Variants in KCNK2 observed in about 807,000 individuals in gnomAD.
KCNK2 encodes potassium two pore domain channel subfamily K member 2, also known as potassium channel subfamily K member 2.
In KCNK2, 21 loss-of-function variants were observed where a neutral mutation model predicts 40.5. That is an observed-to-expected ratio of 0.52 (90% CI 0.37 to 0.75). KCNK2 has a LOEUF of 0.75. Among genes scored for constraint, KCNK2 ranks in the 30% least tolerant of loss-of-function variants. The pLI, the probability that KCNK2 is intolerant of heterozygous loss-of-function variation, is 0.00. For missense variants in KCNK2, 399 were observed against 531.6 expected (o/e 0.75, Z 2.45); for synonymous variants, 191 against 202.2 (o/e 0.94, Z 0.47).
At chr1:215,096,370 C>A (rs1659977539) in intron 2 of KCNK2, among the ~76,000 whole-genome samples, 2 of 151,712 alleles carry the variant, frequency 1.3e-5, no homozygotes, top group East Asian at 3.9e-4. Flanking sequence ...TTTATGAATA[C>A]ACAATAGTTG....
chr1:215,109,124 C>T (rs1272753365), intron 2 of KCNK2, among the ~76,000 whole-genome samples: 1 of 132,954 alleles, frequency 7.5e-6, no homozygotes, highest in Non-Finnish European at 1.5e-5. Context: ...AATTTTGTTG[C>T]ATGCATAGAA....
chr1:215,115,764 A>G (rs547118731), intron 2 of KCNK2, among the ~76,000 whole-genome samples: 2 of 148,396 alleles, frequency 1.3e-5, no homozygotes, highest in African/African-American at 5.0e-5. Flanking sequence ...TCTTCCACTC[A>G]TGCTGAGATG....
intron 1 of KCNK2, among the ~76,000 whole-genome samples, chr1:215,015,504 CTT>C (rs1470350575): frequency 6.6e-6 from 1 of 152,080 alleles, no homozygotes; most frequent in Non-Finnish European, 1.5e-5. Flanking sequence ...GCGGGTAACT[CTT>C]TATCCATTCA....
chr1:215,192,346 TG>T (rs1208604471), intron 5 of KCNK2, among the ~76,000 whole-genome samples: 1 of 152,176 alleles, frequency 6.6e-6, no homozygotes, highest in African/African-American at 2.4e-5. Flanking sequence ...TTTTTTCCCC[TG>T]GGCTTAGACT....
chr1:215,121,326 C>T (rs1477727761), intron 2 of KCNK2, among the ~76,000 whole-genome samples: 2 of 152,100 alleles, frequency 1.3e-5, no homozygotes, highest in Non-Finnish European at 2.9e-5. Context: ...TTTGCTCTGT[C>T]ACCCAGGCTG....
At position 215,236,976 on chromosome 1, in the gene KCNK2, T is replaced by C. The variant is rs1395346648; in HGVS notation, c.*1831T>C. On this transcript the variant is annotated 3_prime_UTR_variant, in exon 7 of 7. Coordinates refer to ENST00000444842, the MANE Select transcript of KCNK2 (RefSeq NM_001017425.3). ...AAAATTTTAGAAAGTCAGGCTCTTTTAGAAAGAAAGCTACACCCATTTCCT... is the reference window on the plus strand; with the variant it reads ...AAAATTTTAGAAAGTCAGGCTCTTTCAGAAAGAAAGCTACACCCATTTCCT... 5.2e-5 allele frequency: 8 copies of C among 152,610 alleles called. No individual in the cohort carries two copies. The allele number at this position is 152,610 out of a possible 1,614,324, so 9.5% of individuals were successfully genotyped here. A position where few individuals can be genotyped will look rare whatever the true frequency, so the allele number is the denominator to read the frequency against.
intron 1 of KCNK2, among the ~76,000 whole-genome samples, chr1:215,007,025 A>G (rs374237437): frequency 0.11 from 3,557 of 31,968 alleles, 232 homozygotes; most frequent in African/African-American, 0.17. Flanking sequence ...ATATATATAT[A>G]TATATATATA....
At chr1:215,150,328 T>C (rs918387554) in intron 3 of KCNK2, among the ~76,000 whole-genome samples, 2 of 152,236 alleles carry the variant, frequency 1.3e-5, no homozygotes, top group African/African-American at 4.8e-5. Context: ...CTATTTGTTA[T>C]CTTATGTGTA....
chr1:215,067,034 G>T (rs369308148), intron 1 of KCNK2, among the ~76,000 whole-genome samples: 2 of 152,070 alleles, frequency 1.3e-5, no homozygotes, highest in African/African-American at 4.8e-5. Context: ...CAGGAGAGTG[G>T]TTATTTTGTG....
chr1:215,135,748 T>G (rs1661877479), intron 3 of KCNK2, among the ~76,000 whole-genome samples: 1 of 152,128 alleles, frequency 6.6e-6, no homozygotes, highest in Non-Finnish European at 1.5e-5. Flanking sequence ...TATTTATTTA[T>G]TTTTGAGATG....
chr1:215,098,725 C>A (rs1660082816), intron 2 of KCNK2, among the ~76,000 whole-genome samples: 1 of 151,890 alleles, frequency 6.6e-6, no homozygotes, highest in African/African-American at 2.4e-5. Flanking sequence ...TACAAGGAAT[C>A]AATTATCTTT....
intron 3 of KCNK2, among the ~76,000 whole-genome samples, chr1:215,160,808 C>G (rs1261742638): frequency 1.3e-5 from 2 of 152,068 alleles, no homozygotes; most frequent in Non-Finnish European, 2.9e-5. Context: ...GTTTTATCTC[C>G]CCCATAATTT....
chr1:215,166,895 T>A (rs1663470636), intron 3 of KCNK2, among the ~76,000 whole-genome samples: 1 of 152,106 alleles, frequency 6.6e-6, no homozygotes, highest in South Asian at 2.1e-4. Context: ...AGGAATTGAG[T>A]TACTACGTGG....
At chr1:215,030,208 T>A (rs1216712356) in intron 1 of KCNK2, among the ~76,000 whole-genome samples, 2 of 152,236 alleles carry the variant, frequency 1.3e-5, no homozygotes, top group Non-Finnish European at 2.9e-5. Context: ...TCTTCTCTGA[T>A]GAGGTGTCTG....
chr1:215,093,442 CATATAATAT>C (rs1290505326), intron 2 of KCNK2, among the ~76,000 whole-genome samples: 2 of 120,792 alleles, frequency 1.7e-5, no homozygotes, highest in Non-Finnish European at 3.2e-5. Context: ...ATATAATATA[CATATAATAT>C]ATATAATATA....
chr1:215,174,699 T>C (rs552666782), intron 5 of KCNK2, among the ~76,000 whole-genome samples: 31 of 152,268 alleles, frequency 2.0e-4, no homozygotes, highest in Admixed American at 1.6e-3. Context: ...CCCTTGTAAG[T>C]TGGATTCCTG....
intron 6 of KCNK2, among the ~76,000 whole-genome samples, chr1:215,200,559 A>G (rs994809951): frequency 7.8e-5 from 1 of 12,836 alleles, no homozygotes; most frequent in South Asian, 0.012. Flanking sequence ...GAGCCATTGA[A>G]GGATTTTAAG....
At chr1:215,198,113 A>G (rs1409952421) in intron 6 of KCNK2, among the ~76,000 whole-genome samples, 1 of 152,226 alleles carries the variant, frequency 6.6e-6, no homozygotes, top group Non-Finnish European at 1.5e-5. Context: ...TTGTGTTTTC[A>G]TGCTAGTTAA....
At chr1:215,037,002 C>CTTTTTTTTTTTTTTT (rs3033912) in intron 1 of KCNK2, among the ~76,000 whole-genome samples, 1 of 125,852 alleles carries the variant, frequency 7.9e-6, no homozygotes, top group African/African-American at 3.0e-5. Context: ...CCTTTTATTC[C>CTTTTTTTTTTTTTTT]TTTTTTTTTT....
Sources: gnomAD v4.1 joint callset for allele counts (sites outside exome capture counted in the v4.1 genomes callset) on GRCh38, gnomAD v4.1.1 for gene constraint, MANE v1.5 for transcripts, NCBI Gene and HGNC (gene_info 2026-07-23, HGNC 2026-07-21) for gene names.